Variants in DLG2 observed in about 807,000 individuals in gnomAD.
DLG2 encodes discs large MAGUK scaffold protein 2, also known as disks large homolog 2.
DLG2 carries 45 observed loss-of-function variants against 132.5 expected under a neutral mutation model. The observed-to-expected ratio is 0.34, with a 90% CI of 0.27 to 0.44. DLG2 has a LOEUF of 0.44. Among genes scored for constraint, DLG2 ranks in the 20% least tolerant of loss-of-function variants. The probability of loss-of-function intolerance (pLI) is 1.00; values close to 1 mark genes in which losing one functional copy is unlikely to be tolerated. For synonymous variants in DLG2, 424 were observed against 419.6 expected (o/e 1.01, Z -0.13); for missense variants, 1,045 against 1,196.9 (o/e 0.87, Z 1.87).
intron 8 of DLG2, among the ~76,000 whole-genome samples, chr11:84,167,944 G>A (rs866995356): frequency 1.3e-5 from 2 of 152,178 alleles, no homozygotes; most frequent in South Asian, 4.1e-4. Flanking sequence ...GGGATTACAG[G>A]CGTGAGCCAC....
chr11:83,696,493 TCA>T (rs1332680617), intron 18 of DLG2, among the ~76,000 whole-genome samples: 1 of 152,106 alleles, frequency 6.6e-6, no homozygotes, highest in African/African-American at 2.4e-5. Context: ...ATTCCTTGAG[TCA>T]CAGTTTTGGG....
intron 9 of DLG2, among the ~76,000 whole-genome samples, chr11:84,154,929 TA>T (rs1190459311): frequency 6.6e-6 from 1 of 152,114 alleles, no homozygotes; most frequent in African/African-American, 2.4e-5. Flanking sequence ...CTAATTAAAC[TA>T]AAGAGCTTCT....
At chr11:85,036,299 G>A (rs967055962) in intron 6 of DLG2, among the ~76,000 whole-genome samples, 2 of 152,018 alleles carry the variant, frequency 1.3e-5, no homozygotes, top group Non-Finnish European at 2.9e-5. Context: ...CTCTTTAGCA[G>A]TCACACTACA....
intron 4 of DLG2, among the ~76,000 whole-genome samples, chr11:85,218,784 T>A (rs1245569085): frequency 6.6e-6 from 1 of 152,294 alleles, no homozygotes; most frequent in Middle Eastern, 3.4e-3. Flanking sequence ...CTGGATGCAC[T>A]ATTTACAATA....
intron 7 of DLG2, among the ~76,000 whole-genome samples, chr11:84,450,841 T>C (rs1376895605): frequency 6.6e-6 from 1 of 151,330 alleles, no homozygotes; most frequent in Non-Finnish European, 1.5e-5. Context: ...CATTGTAGCC[T>C]CCGTGCCTAA....
chr11:84,203,409 C>T (rs1449438920), intron 8 of DLG2, among the ~76,000 whole-genome samples: 3 of 151,814 alleles, frequency 2.0e-5, no homozygotes, highest in East Asian at 1.9e-4. Context: ...AGTGAAACCC[C>T]GTCTCTACTA....
intron 3 of DLG2, among the ~76,000 whole-genome samples, chr11:85,319,676 G>A (rs74397247): frequency 0.035 from 5,277 of 151,850 alleles, 140 homozygotes; most frequent in Admixed American, 0.048. Context: ...TAAAGAAGAA[G>A]CAACCAGCCT....
At chr11:84,824,626 C>T (rs2078104592) in intron 6 of DLG2, among the ~76,000 whole-genome samples, 1 of 151,832 alleles carries the variant, frequency 6.6e-6, no homozygotes, top group African/African-American at 2.4e-5. Context: ...GCTCAGCAAA[C>T]TTGGTCATAT....
At position 84,087,455 on chromosome 11, in the gene DLG2, G is replaced by C. The variant is rs528709406; in HGVS notation, c.749+11468C>G. ...CATTGGCCATTTGCATATCTTATTT[G>C]AATAAATATATATTCAAATTTGTGG... On this transcript the variant is annotated intron_variant, in intron 10 of 27. Coordinates refer to ENST00000376104, the MANE Select transcript of DLG2 (RefSeq NM_001142699.3). 1.8e-4 allele frequency among the ~76,000 whole-genome samples: 28 copies of C among 152,192 alleles called. 1 individual carries two copies. Among genetic ancestry groups the C allele is most frequent in the Admixed American group, 8.5e-4 (13 of 15,262 alleles).
intron 7 of DLG2, among the ~76,000 whole-genome samples, chr11:84,435,869 G>C (rs1285196966): frequency 6.6e-6 from 1 of 152,018 alleles, no homozygotes; most frequent in Non-Finnish European, 1.5e-5. Flanking sequence ...AACTTTCTTT[G>C]CATACTAATT....
chr11:84,502,342 C>A (rs2099218788), intron 7 of DLG2, among the ~76,000 whole-genome samples: 1 of 37,788 alleles, frequency 2.6e-5, no homozygotes, highest in African/African-American at 1.8e-4. Context: ...TTCTTTCTTT[C>A]TTTCTTTCTT....
At chr11:84,997,111 G>A (rs746620989) in intron 6 of DLG2, 2 of 153,112 alleles carry the variant, frequency 1.3e-5, no homozygotes, top group Non-Finnish European at 2.9e-5. Flanking sequence ...GTAGCAATAT[G>A]ACTTCTGATT....
intron 6 of DLG2, among the ~76,000 whole-genome samples, chr11:85,038,504 C>A (rs898170810): frequency 2.0e-5 from 3 of 152,174 alleles, no homozygotes; most frequent in African/African-American, 4.8e-5. Context: ...GATATTTACA[C>A]AGAAGTGACA....
At chr11:84,017,480 C>A (rs1445687960) in intron 11 of DLG2, among the ~76,000 whole-genome samples, 3 of 151,862 alleles carry the variant, frequency 2.0e-5, no homozygotes, top group Non-Finnish European at 4.4e-5. Context: ...TGAAAAATAT[C>A]TCACAAATTA....
chr11:85,567,710 G>A (rs1186959741), intron 3 of DLG2, among the ~76,000 whole-genome samples: 1 of 152,086 alleles, frequency 6.6e-6, no homozygotes, highest in East Asian at 1.9e-4. Flanking sequence ...ATCAGTCTTA[G>A]GAGGAAAGCT....
chr11:84,969,292 C>T (rs181220821), intron 6 of DLG2, among the ~76,000 whole-genome samples: 5 of 152,254 alleles, frequency 3.3e-5, no homozygotes, highest in Admixed American at 3.3e-4. Flanking sequence ...TCACCTCCAG[C>T]CAGGGCCAGG....
chr11:85,220,932 C>T (rs772243119), intron 4 of DLG2, among the ~76,000 whole-genome samples: 1 of 151,880 alleles, frequency 6.6e-6, no homozygotes, highest in Non-Finnish European at 1.5e-5. Flanking sequence ...AAGTTGATTC[C>T]CTAGTTCCCT....
intron 6 of DLG2, among the ~76,000 whole-genome samples, chr11:84,606,468 A>G (rs928288929): frequency 2.6e-5 from 4 of 152,148 alleles, no homozygotes; most frequent in African/African-American, 7.2e-5. Context: ...AAACTTTCCT[A>G]TGCTTTCTAA....
At chr11:84,171,197 C>T (rs1394306214) in intron 8 of DLG2, among the ~76,000 whole-genome samples, 3 of 152,084 alleles carry the variant, frequency 2.0e-5, no homozygotes, top group African/African-American at 7.2e-5. Context: ...AAAGAAAAAA[C>T]TTGAGGAGGC....
Sources: gnomAD v4.1 joint callset for allele counts (sites outside exome capture counted in the v4.1 genomes callset) on GRCh38, gnomAD v4.1.1 for gene constraint, MANE v1.5 for transcripts, NCBI Gene and HGNC (gene_info 2026-07-23, HGNC 2026-07-21) for gene names.